THSD7B: variants seen among roughly 807,000 people sequenced by gnomAD.
THSD7B encodes thrombospondin type 1 domain containing 7B, also known as thrombospondin type-1 domain-containing protein 7B.
Under a neutral mutation model 213.6 loss-of-function variants are expected in THSD7B, and 138 were observed. That is an observed-to-expected ratio of 0.65 (90% CI 0.56 to 0.74). THSD7B has a LOEUF of 0.74. Ranked by LOEUF, THSD7B falls within the 30% of genes least tolerant of loss-of-function variation. THSD7B has a pLI of 0.00. For missense variants in THSD7B, 1,931 were observed against 1,991.5 expected (o/e 0.97, Z 0.58); for synonymous variants, 742 against 687.0 (o/e 1.08, Z -1.25).
chr2:136,947,913 G>T (rs1300527337), intron 2 of THSD7B, among the ~76,000 whole-genome samples: 1 of 152,188 alleles, frequency 6.6e-6, no homozygotes, highest in African/African-American at 2.4e-5. Context: ...GGAAGTGTCT[G>T]CTGGGCAACT....
chr2:137,061,383 G>A (rs1055377238), intron 3 of THSD7B, among the ~76,000 whole-genome samples: 2 of 150,018 alleles, frequency 1.3e-5, no homozygotes, highest in African/African-American at 4.9e-5. Flanking sequence ...CATTAGCCAA[G>A]ACTTCCAGTA....
At chr2:137,189,843 A>G (rs192633616) in intron 7 of THSD7B, among the ~76,000 whole-genome samples, 4 of 152,158 alleles carry the variant, frequency 2.6e-5, no homozygotes, top group East Asian at 1.9e-4. Context: ...TCAACTCTGT[A>G]TTCTAAGTTG....
chr2:136,854,427 T>C (rs1398323508), intron 1 of THSD7B, among the ~76,000 whole-genome samples: 2 of 152,028 alleles, frequency 1.3e-5, no homozygotes, highest in African/African-American at 4.8e-5. Flanking sequence ...CTTTGCTTCA[T>C]AAGTGGGCAC....
At chr2:136,988,655 A>G (rs944149760) in intron 2 of THSD7B, among the ~76,000 whole-genome samples, 3 of 152,186 alleles carry the variant, frequency 2.0e-5, no homozygotes, top group Non-Finnish European at 4.4e-5. Context: ...ATCACTTGAG[A>G]AGTCTCTCAT....
chr2:137,269,409 G>A lies in THSD7B; in HGVS notation c.2267-3124G>A, dbSNP rs80086680. Reference sequence around the variant, plus strand: ...GTATGGTGTGTGCACGTGTGTGCATGTGCATGTTCAGTGTAAAAGGGAGAC... The same window carrying A: ...GTATGGTGTGTGCACGTGTGTGCATATGCATGTTCAGTGTAAAAGGGAGAC... On this transcript the variant is annotated intron_variant, in intron 10 of 27. Transcript: ENST00000409968. Among the ~76,000 whole-genome samples the A allele has an allele frequency of 3.8e-3, 574 of 152,346 alleles. 21 individuals are homozygous for A. In the East Asian group the frequency reaches 0.071, roughly 19 times the overall value.
chr2:137,314,433 T>C (rs931186897), intron 12 of THSD7B, among the ~76,000 whole-genome samples: 10 of 152,220 alleles, frequency 6.6e-5, no homozygotes, highest in African/African-American at 2.2e-4. Flanking sequence ...AGTTTTCAAC[T>C]TCTTTGCCTT....
chr2:136,949,914 T>A (rs1157322393), intron 2 of THSD7B, among the ~76,000 whole-genome samples: 1 of 152,192 alleles, frequency 6.6e-6, no homozygotes, highest in African/African-American at 2.4e-5. Context: ...CTATTTACAA[T>A]AGCAAAGACT....
Position 137,664,099 on chromosome 2 carries a change from C to T in THSD7B, c.4651+524C>T, listed in dbSNP as rs144737313. ...AACTCCTGACTTCAAATGACCCTCC[C>T]GCCTTGGCCTCCCAAAGTGCTGGGA... On this transcript the variant is annotated intron_variant, in intron 26 of 27. Coordinates refer to ENST00000409968, the MANE Select transcript of THSD7B (RefSeq NM_001316349.2). Among the ~76,000 whole-genome samples, 108 of 152,262 alleles carry T rather than the reference C, an allele frequency of 7.1e-4. 1 individual carries two copies. The highest frequency in any genetic ancestry group is 2.5e-3 in the African/African-American group (105 of 41,556).
At chr2:137,198,450 C>T (rs1680809218) in intron 7 of THSD7B, among the ~76,000 whole-genome samples, 2 of 152,144 alleles carry the variant, frequency 1.3e-5, no homozygotes, top group Admixed American at 6.6e-5. Flanking sequence ...CACTACAGGT[C>T]ACATTTCCCC....
intron 17 of THSD7B, among the ~76,000 whole-genome samples, chr2:137,581,422 T>C (rs1260078574): frequency 6.6e-6 from 1 of 152,032 alleles, no homozygotes; most frequent in Non-Finnish European, 1.5e-5. Flanking sequence ...ACCCCATCTC[T>C]ACTAAAAATG....
At chr2:137,017,899 A>C (rs1686371598) in intron 2 of THSD7B, among the ~76,000 whole-genome samples, 1 of 152,018 alleles carries the variant, frequency 6.6e-6, no homozygotes, top group Non-Finnish European at 1.5e-5. Context: ...TTCAGCTTGC[A>C]CTGTTGTAAT....
At chr2:137,208,950 A>T (rs1008592069) in intron 7 of THSD7B, among the ~76,000 whole-genome samples, 1 of 152,118 alleles carries the variant, frequency 6.6e-6, no homozygotes, top group Non-Finnish European at 1.5e-5. Flanking sequence ...TTGTATAACT[A>T]TGCCTGCATC....
intron 2 of THSD7B, among the ~76,000 whole-genome samples, chr2:136,998,864 A>T (rs1185440649): frequency 6.7e-6 from 1 of 149,052 alleles, no homozygotes; most frequent in East Asian, 2.1e-4. Flanking sequence ...AATTAGTGGC[A>T]TGCTTTTTAT....
intron 15 of THSD7B, among the ~76,000 whole-genome samples, chr2:137,497,354 TC>T (rs1468190633): frequency 6.6e-6 from 1 of 152,094 alleles, no homozygotes; most frequent in Non-Finnish European, 1.5e-5. Flanking sequence ...GGTAAAATAA[TC>T]GTAGACCTTA....
At chr2:137,553,318 G>A (rs1028348115) in intron 15 of THSD7B, among the ~76,000 whole-genome samples, 2 of 152,086 alleles carry the variant, frequency 1.3e-5, no homozygotes, top group Non-Finnish European at 2.9e-5. Flanking sequence ...GTTGTTAAAG[G>A]ATTATTTGTT....
At chr2:137,479,493 G>C (rs1329030716) in intron 15 of THSD7B, 5 of 416,994 alleles carry the variant, frequency 1.2e-5, no homozygotes, top group African/African-American at 2.0e-5. Flanking sequence ...GGTTGGAGCA[G>C]CAGTTGCTGG....
chr2:137,480,357 T>C (rs1456407137), intron 15 of THSD7B, among the ~76,000 whole-genome samples: 1 of 152,238 alleles, frequency 6.6e-6, no homozygotes. Flanking sequence ...TTTTCAATCA[T>C]GGCTATTATT....
chr2:137,270,983 A>G (rs1682719893), intron 10 of THSD7B, among the ~76,000 whole-genome samples: 1 of 152,152 alleles, frequency 6.6e-6, no homozygotes, highest in Non-Finnish European at 1.5e-5. Flanking sequence ...ACAGAGAGTA[A>G]GGAAGCTTTC....
intron 2 of THSD7B, among the ~76,000 whole-genome samples, chr2:136,961,829 A>G (rs1215026345): frequency 2.0e-5 from 3 of 152,200 alleles, no homozygotes; most frequent in East Asian, 3.9e-4. Context: ...ATGGGGAACT[A>G]AAGACAGTAA....
Sources: gnomAD v4.1 joint callset for allele counts (sites outside exome capture counted in the v4.1 genomes callset) on GRCh38, gnomAD v4.1.1 for gene constraint, MANE v1.5 for transcripts, NCBI Gene and HGNC (gene_info 2026-07-23, HGNC 2026-07-21) for gene names.